The following SDK1 variants were observed in gnomAD, a reference collection of about 807,000 sequenced individuals.
SDK1 encodes the protein sidekick cell adhesion molecule 1.
In SDK1, 157 loss-of-function variants were observed where a neutral mutation model predicts 245.5. The observed-to-expected ratio is 0.64, with a 90% confidence interval of 0.56 to 0.73. SDK1 has a LOEUF of 0.73. Among genes scored for constraint, SDK1 ranks in the 30% least tolerant of loss-of-function variants. The pLI is 0.00. For missense variants in SDK1, 3,583 were observed against 3,002.3 expected (o/e 1.19, Z -4.52); for synonymous variants, 1,647 against 1,278.5 (o/e 1.29, Z -6.15).
intron 35 of SDK1, among the ~76,000 whole-genome samples, chr7:4,191,431 A>T (rs1216785078): frequency 6.6e-6 from 1 of 152,224 alleles, no homozygotes; most frequent in African/African-American, 2.4e-5. Context: ...CCGCTGCTGC[A>T]TTTGGAAAGG....
At chr7:3,698,748 TAG>T (rs910347116) in intron 4 of SDK1, among the ~76,000 whole-genome samples, 4 of 152,088 alleles carry the variant, frequency 2.6e-5, no homozygotes, top group Non-Finnish European at 5.9e-5. Flanking sequence ...ACATGGCAGG[TAG>T]AGAGAGAGAA....
intron 7 of SDK1, among the ~76,000 whole-genome samples, chr7:3,956,527 C>T (rs75218827): frequency 0.016 from 2,477 of 152,284 alleles, 20 homozygotes; most frequent in Non-Finnish European, 0.026. Context: ...CCAGGCACAG[C>T]GACCTGGAAG....
intron 4 of SDK1, among the ~76,000 whole-genome samples, chr7:3,749,473 G>A (rs1399506326): frequency 6.6e-6 from 1 of 152,162 alleles, no homozygotes; most frequent in East Asian, 1.9e-4. Context: ...CTAATTTTTT[G>A]TATCTTTAGT....
At chr7:4,074,884 CTGTATA>C (rs1780537002) in intron 20 of SDK1, among the ~76,000 whole-genome samples, 4 of 62,490 alleles carry the variant, frequency 6.4e-5, no homozygotes, top group African/African-American at 4.9e-4. Context: ...CTCTCTCTCT[CTGTATA>C]TATATATATA....
intron 1 of SDK1, among the ~76,000 whole-genome samples, chr7:3,519,073 C>CAT (rs1329701366): frequency 1.3e-5 from 2 of 151,982 alleles, no homozygotes. Flanking sequence ...CATATGTTCT[C>CAT]ATATGCAGAA....
chr7:3,931,453 T>C lies in SDK1; in HGVS notation c.848-19470T>C, dbSNP rs538218409. Among the ~76,000 whole-genome samples, 69 of 152,356 alleles carry C rather than the reference T, an allele frequency of 4.5e-4. 2 individuals carry two copies. In the South Asian group the frequency reaches 0.014, roughly 31 times the overall value. ...GAGGTTCAAAACCTTATGGGGCTTC[T>C]ATCCTAACCAACATCAAGGAACTAT... On this transcript the variant is annotated intron_variant, in intron 5 of 44. Transcript: ENST00000404826.
At chr7:3,454,721 A>G (rs745436684) in intron 1 of SDK1, among the ~76,000 whole-genome samples, 2 of 152,188 alleles carry the variant, frequency 1.3e-5, no homozygotes, top group Admixed American at 1.3e-4. Context: ...ATGATATGGA[A>G]TATACCATGG....
At chr7:3,621,286 C>A (rs957360) in intron 2 of SDK1, among the ~76,000 whole-genome samples, 3 of 151,976 alleles carry the variant, frequency 2.0e-5, no homozygotes, top group South Asian at 2.1e-4. Flanking sequence ...AGTTCAGGGA[C>A]TTGCTCTTCA....
chr7:3,429,250 T>A (rs1779764004), intron 1 of SDK1, among the ~76,000 whole-genome samples: 1 of 152,192 alleles, frequency 6.6e-6, no homozygotes, highest in Non-Finnish European at 1.5e-5. Flanking sequence ...AAGGCTTTTT[T>A]TAAGTGCCTC....
chr7:3,736,793 A>T (rs1779329466), intron 4 of SDK1, among the ~76,000 whole-genome samples: 1 of 152,198 alleles, frequency 6.6e-6, no homozygotes, highest in Non-Finnish European at 1.5e-5. Flanking sequence ...TGTGTGTCTG[A>T]TGAGAACCAC....
intron 29 of SDK1, among the ~76,000 whole-genome samples, chr7:4,148,917 G>A (rs1414048512): frequency 3.3e-5 from 5 of 152,266 alleles, no homozygotes; most frequent in African/African-American, 9.6e-5. Flanking sequence ...TTAGCTGGGC[G>A]TGGTGGTGCA....
intron 4 of SDK1, among the ~76,000 whole-genome samples, chr7:3,726,952 C>G (rs575520034): frequency 6.6e-6 from 1 of 152,192 alleles, no homozygotes; most frequent in African/African-American, 2.4e-5. Context: ...AAAGAAACAC[C>G]ATTTATTGCA....
intron 1 of SDK1, among the ~76,000 whole-genome samples, chr7:3,546,287 G>A (rs1253796246): frequency 6.6e-6 from 1 of 152,134 alleles, no homozygotes; most frequent in Non-Finnish European, 1.5e-5. Flanking sequence ...GAAAAGCATG[G>A]GTGTGAATCC....
At chr7:3,305,643 C>T (rs1295829910) in intron 1 of SDK1, among the ~76,000 whole-genome samples, 1 of 152,172 alleles carries the variant, frequency 6.6e-6, no homozygotes. Flanking sequence ...TCTAGACTCC[C>T]TTACTTGAAT....
chr7:3,722,771 C>T (rs1042114210), intron 4 of SDK1, among the ~76,000 whole-genome samples: 53 of 152,178 alleles, frequency 3.5e-4, no homozygotes, highest in African/African-American at 1.3e-3. Flanking sequence ...CTCAGCACCG[C>T]CCTCTGTCTG....
rs10536828 is a variant in SDK1, at chr7:4,193,372, TTATATA to T, written c.5099-12486_5099-12481del. 2.9e-3 allele frequency among the ~76,000 whole-genome samples: 299 copies of T among 103,070 alleles called. 1 individual carries two copies. Among genetic ancestry groups the T allele is most frequent in the Middle Eastern group, 6.7e-3 (1 of 150 alleles). The allele number at this position is 103,070 out of a possible 152,430, so 67.6% of individuals were successfully genotyped here. ...AATATATTTATATATATTAAAATAT[TTATATA>T]TATATATATATATATATATAAAGGG... On this transcript the variant is annotated intron_variant, in intron 35 of 44. Coordinates refer to ENST00000404826, the MANE Select transcript of SDK1 (RefSeq NM_152744.4).
At chr7:3,433,063 G>A (rs1779913680) in intron 1 of SDK1, among the ~76,000 whole-genome samples, 1 of 152,174 alleles carries the variant, frequency 6.6e-6, no homozygotes, top group Non-Finnish European at 1.5e-5. Context: ...TCTCAAACAA[G>A]GATTCTTCGT....
At chr7:3,550,279 C>T (rs1364718930) in intron 1 of SDK1, among the ~76,000 whole-genome samples, 1 of 152,142 alleles carries the variant, frequency 6.6e-6, no homozygotes, top group Non-Finnish European at 1.5e-5. Context: ...CATAATATTT[C>T]AGTGCCTGAA....
At chr7:4,004,930 C>G (rs1316522063) in intron 14 of SDK1, among the ~76,000 whole-genome samples, 1 of 151,696 alleles carries the variant, frequency 6.6e-6, no homozygotes, top group Admixed American at 6.6e-5. Context: ...AAACCCCCTT[C>G]TACCTCCCCG....
Sources: allele counts gnomAD v4.1 joint callset (sites outside exome capture counted in the v4.1 genomes callset), GRCh38; gene constraint gnomAD v4.1.1; transcripts MANE v1.5; gene names NCBI Gene and HGNC (gene_info 2026-07-23, HGNC 2026-07-21).